MRPL20: variants seen among roughly 807,000 people sequenced by gnomAD.
MRPL20 encodes mitochondrial ribosomal protein L20.
A neutral mutation model predicts 20.0 loss-of-function variants in MRPL20; 21 were observed. That is an observed-to-expected ratio of 1.05 (90% CI 0.74 to 1.51). The LOEUF (loss-of-function observed/expected upper bound fraction) is 1.51, where lower values mean the gene tolerates loss of function less well. Among genes scored for constraint, MRPL20 ranks in the 40% most tolerant of loss-of-function variants. The probability of loss-of-function intolerance (pLI) is 0.00; values close to 1 mark genes in which losing one functional copy is unlikely to be tolerated. For synonymous variants in MRPL20, 104 were observed against 73.0 expected, an observed-to-expected ratio of 1.43 and a Z score of -2.17; for missense variants, 252 against 185.6, an observed-to-expected ratio of 1.36 and a Z score of -2.08.
At chr1:1,404,344 C>T (rs144228847) in intron 3 of MRPL20, among the ~76,000 whole-genome samples, 4,524 of 151,282 alleles carry the variant, frequency 0.03, 123 homozygotes, top group Non-Finnish European at 0.04. Context: ...TTAGTAGAGT[C>T]GGGGTTTCAC....
intron 3 of MRPL20, among the ~76,000 whole-genome samples, chr1:1,403,331 C>T (rs531272874): frequency 6.6e-6 from 1 of 151,778 alleles, no homozygotes; most frequent in Admixed American, 6.6e-5. Context: ...GCAAGCTCCA[C>T]CTCCCAGGTT....
At chr1:1,406,287 T>C (rs1405849422) in intron 2 of MRPL20, 4 of 198,052 alleles carry the variant, frequency 2.0e-5, no homozygotes, top group Admixed American at 1.1e-4. Context: ...GGAGACGAGG[T>C]TGCATTAAGC....
intron 3 of MRPL20, 118 bp downstream of exon 3, chr1:1,405,691 G>A (rs1481566840): frequency 5.1e-6 from 8 of 1,557,774 alleles, no homozygotes; most frequent in East Asian, 2.2e-5. Context: ...TCAGTCTCCA[G>A]GGATCCTCTG....
Position 1,401,959 on chromosome 1 carries a change from G to A in MRPL20, c.*124C>T, listed in dbSNP as rs1476325065. On this transcript the variant is annotated 3_prime_UTR_variant, in exon 4 of 4. Transcript: ENST00000344843. Reference sequence around the variant, plus strand: ...ACAAAACATGGACATCATCTGTGAGGCTCTGTCCCAGAGAGACAGGGCCAT... The same window carrying A: ...ACAAAACATGGACATCATCTGTGAGACTCTGTCCCAGAGAGACAGGGCCAT... 5.5e-6 allele frequency: 6 copies of A among 1,084,202 alleles called. No individual in the cohort carries two copies. Among genetic ancestry groups the A allele is most frequent in the Non-Finnish European group, 7.9e-6 (6 of 756,362 alleles). The allele number at this position is 1,084,202 out of a possible 1,614,324, so 67.2% of individuals were successfully genotyped here.
At position 1,404,185 on chromosome 1, in the gene MRPL20, G is replaced by C. The variant is rs1204981461; in HGVS notation, c.276+1624C>G. Among the ~76,000 whole-genome samples, 4 of 148,126 alleles carry C rather than the reference G, an allele frequency of 2.7e-5. No individual in the cohort carries two copies. In the South Asian group the frequency reaches 6.4e-4, roughly 24 times the overall value. ...TTTTTTTTTTTTGAGATGGAGTCTC[G>C]CTCTGTCGACCAGCCTGGAGTGCAG... On this transcript the variant is annotated intron_variant, in intron 3 of 3. Coordinates refer to ENST00000344843, the MANE Select transcript of MRPL20 (RefSeq NM_017971.4).
At chr1:1,405,752 C>T in intron 3 of MRPL20, 57 bp downstream of exon 3, 1 of 1,614,116 alleles carries the variant, frequency 6.2e-7, no homozygotes, top group Admixed American at 1.7e-5. Context: ...CCACGCCCCG[C>T]ATGATGGTTT....
In MRPL20 at chr1:1,405,808, C is replaced by G; in HGVS notation, c.276+1G>C. 1 of 1,614,138 alleles carries G rather than the reference C, an allele frequency of 6.2e-7. No homozygotes were observed. Among genetic ancestry groups the G allele is most frequent in the Non-Finnish European group, 8.5e-7 (1 of 1,180,030 alleles). ...AGTGGGACCCACATACTCACCCATA[C>G]CTTAACTAAATTCCCAATGAGCGCT... On this transcript the variant is annotated splice_donor_variant, in intron 3 of 3. Coordinates refer to ENST00000344843, the MANE Select transcript of MRPL20 (RefSeq NM_017971.4). LOFTEE classifies it high-confidence loss of function.
chr1:1,404,247 G>A (rs1443734631), intron 3 of MRPL20, among the ~76,000 whole-genome samples: 11 of 150,472 alleles, frequency 7.3e-5, no homozygotes, highest in African/African-American at 2.2e-4. Context: ...TCCGTCTCCC[G>A]GGTTCACGCC....
At chr1:1,403,240 C>CCTTT (rs35371925) in intron 3 of MRPL20, among the ~76,000 whole-genome samples, 99 of 151,726 alleles carry the variant, frequency 6.5e-4, no homozygotes, top group Admixed American at 1.0e-3. Flanking sequence ...AAGTCTGTCT[C>CCTTT]CTTTCTTTCT....
Position 1,402,148 on chromosome 1 carries a change from C to A in MRPL20, c.385G>T (p.Ala129Ser), listed in dbSNP as rs768092342. The A allele has an allele frequency of 1.9e-6, 3 of 1,614,154 alleles. No homozygotes were observed. The highest frequency in any genetic ancestry group is 1.6e-4 in the Middle Eastern group (1 of 6,062). Reference protein sequence around the residue: ...LASRRRHEGFAAALGDGKEPE... With the variant: ...LASRRRHEGFSAALGDGKEPE... ...TCCTTCCCATCCCCCAAGGCAGCAG[C>A]AAATCCTTCGTGTCGCCTCCTACTG... The change falls in exon 4 of 4, where the codon GCT becomes TCT. Residue 129 changes from alanine (A) to serine (S), a missense_variant. Ala to Ser is a moderately conservative substitution (Grantham distance 99). Transcript: ENST00000344843.
chr1:1,402,225 G>C lies in MRPL20; in HGVS notation c.308C>G (p.Ala103Gly), dbSNP rs1396611949. The change falls in exon 4 of 4, where the codon GCG becomes GGG. Residue 103 changes from alanine to glycine, a missense_variant. Ala to Gly is a moderately conservative substitution (Grantham distance 60, BLOSUM62 0). Coordinates refer to ENST00000344843, the MANE Select transcript of MRPL20 (RefSeq NM_017971.4). ...CQVELNRKVLADLAIYEPKTF... is the reference protein window; with the variant it reads ...CQVELNRKVLGDLAIYEPKTF... ...CTTTGGCTCGTAGATGGCCAGATCC[G>C]CTAGGACTTTCCTGTTGAGCTCCAC... 3 of 1,613,228 alleles carry C rather than the reference G, an allele frequency of 1.9e-6. No homozygotes were observed. Among genetic ancestry groups the C allele is most frequent in the East Asian group, 2.2e-5 (1 of 44,868 alleles).
intron 2 of MRPL20, chr1:1,406,420 C>A: frequency 5.2e-6 from 1 of 191,668 alleles, no homozygotes; most frequent in South Asian, 8.4e-5. Flanking sequence ...TGGTGAGGCG[C>A]AGTAATGAGG....
At chr1:1,406,793 G>T in intron 2 of MRPL20, 116 bp downstream of exon 2, 1 of 864,284 alleles carries the variant, frequency 1.2e-6, no homozygotes, top group African/African-American at 1.7e-5. Context: ...TTCGAAGCAA[G>T]GTATGAAAGG....
In MRPL20 at chr1:1,407,260, G is replaced by C; in HGVS notation, c.-43C>G. On this transcript the variant is annotated 5_prime_UTR_variant, in exon 1 of 4. Coordinates refer to ENST00000344843, the MANE Select transcript of MRPL20 (RefSeq NM_017971.4). Reference sequence around the variant, plus strand: ...GTCCCGAACACTCAACAACGCACGCGCAGCGCCGCTGCCATCTTGCCCGGG... The same window carrying C: ...GTCCCGAACACTCAACAACGCACGCCCAGCGCCGCTGCCATCTTGCCCGGG... 3 of 1,506,270 alleles carry C rather than the reference G, an allele frequency of 2.0e-6. No individual in the cohort carries two copies. The highest frequency in any genetic ancestry group is 1.9e-4 in the Middle Eastern group (1 of 5,212). 93.3% of individuals were successfully genotyped at this position (1,506,270 alleles called of 1,614,324 possible). A position where few individuals can be genotyped will look rare whatever the true frequency, so the allele number is the denominator to read the frequency against.
At position 1,406,909 on chromosome 1, in the gene MRPL20, G is replaced by C. The variant is rs201657865; in HGVS notation, c.198C>G (p.Thr66=). 5 of 1,611,896 alleles carry C rather than the reference G, an allele frequency of 3.1e-6. No individual in the cohort carries two copies. In the East Asian group the frequency reaches 8.9e-5, roughly 29 times the overall value. ...ARYLKKKNMR[T]LWINRITAAS... ...GCGGGTGTCCCGGGTCCACGCTTACGGTCCTCATGTTCTTTTTCTTCAGGT... is the reference window on the plus strand; with the variant it reads ...GCGGGTGTCCCGGGTCCACGCTTACCGTCCTCATGTTCTTTTTCTTCAGGT... Residue 66 remains threonine, a splice_region_variant and synonymous_variant, in exon 2 of 4, where the codon ACC becomes ACG. Transcript: ENST00000344843.
At chr1:1,403,083 C>T (rs1191080026) in intron 3 of MRPL20, among the ~76,000 whole-genome samples, 1 of 148,932 alleles carries the variant, frequency 6.7e-6, no homozygotes, top group South Asian at 2.1e-4. Flanking sequence ...GAGCCAAGAT[C>T]GCGCCACTTC....
At position 1,407,222 on chromosome 1, in the gene MRPL20, C is replaced by A. The variant is rs1366776947; in HGVS notation, c.-5G>T. 6 of 1,594,072 alleles carry A rather than the reference C, an allele frequency of 3.8e-6. No individual in the cohort carries two copies. The highest frequency in any genetic ancestry group is 5.1e-6 in the Non-Finnish European group (6 of 1,170,838). On this transcript the variant is annotated 5_prime_UTR_variant, in exon 1 of 4. Coordinates refer to ENST00000344843, the MANE Select transcript of MRPL20 (RefSeq NM_017971.4). ...CTGCGCGGTGAGGAAGACCATGGCG[C>A]CTGCAGGCCGGCGTCCCGAACACTC...
At position 1,401,912 on chromosome 1, in the gene MRPL20, A is replaced by G. The variant is rs555868092; in HGVS notation, c.*171T>C. 7.8e-4 allele frequency: 596 copies of G among 763,496 alleles called. 1 individual carries two copies. Among genetic ancestry groups the G allele is most frequent in the Non-Finnish European group, 1.1e-3 (535 of 486,480 alleles). The allele number at this position is 763,496 out of a possible 1,614,324, so 47.3% of individuals were successfully genotyped here. A position where few individuals can be genotyped will look rare whatever the true frequency, so the allele number is the denominator to read the frequency against. On this transcript the variant is annotated 3_prime_UTR_variant, in exon 4 of 4. Coordinates refer to ENST00000344843, the MANE Select transcript of MRPL20 (RefSeq NM_017971.4). ...ACCAGAAAATGACTCTAAAAACTGA[A>G]GAGTGTTTGAGTTTCATTCACACAA... is the stretch of plus-strand genomic sequence containing the variant.
intron 2 of MRPL20, chr1:1,406,344 C>T (rs773953979): frequency 1.7e-5 from 3 of 174,692 alleles, no homozygotes; most frequent in Non-Finnish European, 2.5e-5. Flanking sequence ...CGCGAGACTC[C>T]GTCTCGGGGT....
Sources: allele counts gnomAD v4.1 joint callset (sites outside exome capture counted in the v4.1 genomes callset), GRCh38; gene constraint gnomAD v4.1.1; transcripts MANE v1.5; gene names NCBI Gene and HGNC (gene_info 2026-07-23, HGNC 2026-07-21).